Variants in DCC observed in about 807,000 individuals in gnomAD.
DCC encodes netrin receptor DCC.
Under a neutral mutation model 172.5 loss-of-function variants are expected in DCC, and 58 were observed. The observed-to-expected ratio is 0.34, with a 90% CI of 0.27 to 0.42. The LOEUF is 0.42. Ranked by LOEUF, DCC falls within the 10% of genes least tolerant of loss-of-function variation. DCC has a pLI of 1.00. For missense variants in DCC, 1,740 were observed against 1,791.0 expected (o/e 0.97, Z 0.51); for synonymous variants, 709 against 644.5 (o/e 1.10, Z -1.52).
Position 53,422,441 on chromosome 18 carries a change from T to A in DCC, c.3163+6285T>A, listed in dbSNP as rs185789280. On this transcript the variant is annotated intron_variant, in intron 21 of 28. Transcript: ENST00000442544. ...ATTAGGCCCAGATACATACCCAGGC[T>A]ACCTAACTGGAGAATCTCTGCTCTT... is the stretch of plus-strand genomic sequence containing the variant. Among the ~76,000 whole-genome samples, 32 of 152,302 alleles carry A rather than the reference T, an allele frequency of 2.1e-4. 1 individual carries two copies. Among genetic ancestry groups the A allele is most frequent in the Admixed American group, 2.0e-3 (31 of 15,278 alleles).
chr18:53,510,196 C>T (rs2144525678), intron 27 of DCC, among the ~76,000 whole-genome samples: 1 of 152,260 alleles, frequency 6.6e-6, no homozygotes, highest in Non-Finnish European at 1.5e-5. Flanking sequence ...AAAGCACTTC[C>T]TGCAGAGACT....
intron 1 of DCC, among the ~76,000 whole-genome samples, chr18:52,599,210 A>G (rs1360935964): frequency 1.3e-5 from 2 of 152,164 alleles, no homozygotes; most frequent in Non-Finnish European, 2.9e-5. Flanking sequence ...TGCCTTCCTT[A>G]AATAAAGACT....
chr18:53,289,492 T>C (rs528575851), intron 12 of DCC, among the ~76,000 whole-genome samples: 2 of 152,280 alleles, frequency 1.3e-5, no homozygotes, highest in South Asian at 4.1e-4. Context: ...AAGAGCATTA[T>C]ATAATCTTTC....
intron 27 of DCC, among the ~76,000 whole-genome samples, chr18:53,499,921 T>C (rs536947088): frequency 1.8e-4 from 28 of 152,344 alleles, no homozygotes; most frequent in African/African-American, 6.5e-4. Flanking sequence ...AGAGAAATCA[T>C]AATTCTAATT....
chr18:53,086,993 G>A (rs913953086), intron 7 of DCC, among the ~76,000 whole-genome samples: 1 of 151,776 alleles, frequency 6.6e-6, no homozygotes, highest in Non-Finnish European at 1.5e-5. Flanking sequence ...TCTTAATCCA[G>A]TCTATCATTG....
At chr18:53,344,900 A>G (rs1439837666) in intron 15 of DCC, among the ~76,000 whole-genome samples, 2 of 150,094 alleles carry the variant, frequency 1.3e-5, no homozygotes, top group Non-Finnish European at 3.0e-5. Flanking sequence ...AAAAAAAAAA[A>G]GGAAAGAAAA....
intron 5 of DCC, among the ~76,000 whole-genome samples, chr18:52,952,766 G>A (rs1010335425): frequency 6.6e-6 from 1 of 151,966 alleles, no homozygotes. Flanking sequence ...TTGGGAGATC[G>A]AAGTGGGAAG....
chr18:53,120,723 GTC>G (rs1284789313), intron 7 of DCC, among the ~76,000 whole-genome samples: 1 of 151,744 alleles, frequency 6.6e-6, no homozygotes, highest in Non-Finnish European at 1.5e-5. Context: ...CTTGTTTTAA[GTC>G]TACATCTGTA....
intron 1 of DCC, among the ~76,000 whole-genome samples, chr18:52,617,173 C>T (rs1021382877): frequency 6.6e-6 from 1 of 152,052 alleles, no homozygotes; most frequent in African/African-American, 2.4e-5. Context: ...GAGGGACCTA[C>T]ACAATGTATA....
intron 5 of DCC, among the ~76,000 whole-genome samples, chr18:52,968,921 C>T (rs1374004333): frequency 6.6e-6 from 1 of 152,072 alleles, no homozygotes; most frequent in Non-Finnish European, 1.5e-5. Context: ...CACATTAAAT[C>T]AGGCAACCCT....
At chr18:52,522,276 C>T (rs1260355567) in intron 1 of DCC, among the ~76,000 whole-genome samples, 5 of 152,200 alleles carry the variant, frequency 3.3e-5, no homozygotes, top group South Asian at 4.2e-4. Context: ...TAAATTTTTA[C>T]AGGCATTTTG....
intron 1 of DCC, among the ~76,000 whole-genome samples, chr18:52,517,666 C>T (rs1481214685): frequency 6.6e-6 from 1 of 152,146 alleles, no homozygotes; most frequent in Non-Finnish European, 1.5e-5. Context: ...AATGAAATTA[C>T]TAAAAAGGAA....
intron 26 of DCC, among the ~76,000 whole-genome samples, chr18:53,496,449 G>A (rs891209772): frequency 4.4e-5 from 4 of 91,574 alleles, no homozygotes; most frequent in Admixed American, 3.1e-4. Context: ...GACTCCATCC[G>A]AAGGTCACCA....
At chr18:52,778,032 C>G (rs1299434651) in intron 2 of DCC, among the ~76,000 whole-genome samples, 1 of 152,052 alleles carries the variant, frequency 6.6e-6, no homozygotes, top group African/African-American at 2.4e-5. Context: ...TTAATGGTCA[C>G]CAATATAGAT....
chr18:52,563,146 T>A (rs572834800), intron 1 of DCC, among the ~76,000 whole-genome samples: 16 of 152,198 alleles, frequency 1.1e-4, no homozygotes, highest in Non-Finnish European at 2.9e-5. Flanking sequence ...GTCTACACAA[T>A]GGGAAAAGGA....
chr18:53,119,243 A>C (rs1190593545), intron 7 of DCC, among the ~76,000 whole-genome samples: 1 of 151,808 alleles, frequency 6.6e-6, no homozygotes, highest in Non-Finnish European at 1.5e-5. Flanking sequence ...TCTCTGCTAT[A>C]AGTCCAGTAA....
At chr18:52,847,451 C>A (rs2038912209) in intron 2 of DCC, among the ~76,000 whole-genome samples, 1 of 152,094 alleles carries the variant, frequency 6.6e-6, no homozygotes, top group Admixed American at 6.6e-5. Flanking sequence ...GCTATCTGAT[C>A]ATCAGAACAA....
intron 1 of DCC, among the ~76,000 whole-genome samples, chr18:52,619,979 G>C (rs952704227): frequency 6.6e-6 from 1 of 152,136 alleles, no homozygotes; most frequent in Admixed American, 6.5e-5. Context: ...AAACTTGATG[G>C]CTTAGATTAA....
At chr18:52,647,908 C>T (rs888984833) in intron 1 of DCC, among the ~76,000 whole-genome samples, 8 of 151,842 alleles carry the variant, frequency 5.3e-5, no homozygotes, top group African/African-American at 1.9e-4. Flanking sequence ...CTTGTAAGAG[C>T]TAATAAATAC....
Sources: allele counts gnomAD v4.1 joint callset (sites outside exome capture counted in the v4.1 genomes callset), GRCh38; gene constraint gnomAD v4.1.1; transcripts MANE v1.5; gene names NCBI Gene and HGNC (gene_info 2026-07-23, HGNC 2026-07-21).